SLCO1B3: variants seen among roughly 807,000 people sequenced by gnomAD.
The protein encoded by SLCO1B3 is liver-specific organic anion transporter 2.
SLCO1B3 carries 72 observed loss-of-function variants against 71.8 expected under a neutral mutation model. The observed-to-expected ratio is 1.00, with a 90% CI of 0.83 to 1.22. The LOEUF (loss-of-function observed/expected upper bound fraction) is 1.22, where lower values mean the gene tolerates loss of function less well. Ranked by LOEUF, SLCO1B3 falls within the 50% of genes most tolerant of loss-of-function variation. The pLI is 0.00. For missense variants in SLCO1B3, 911 were observed against 819.7 expected, an observed-to-expected ratio of 1.11 and a Z score of -1.36; for synonymous variants, 298 against 278.4, an observed-to-expected ratio of 1.07 and a Z score of -0.70.
At chr12:20,878,915 A>G (rs1440644818) in intron 10 of SLCO1B3, among the ~76,000 whole-genome samples, 2 of 152,132 alleles carry the variant, frequency 1.3e-5, no homozygotes, top group Admixed American at 6.6e-5. Flanking sequence ...AGCCTGGGCA[A>G]AATTGGAGTG....
In SLCO1B3 at chr12:20,916,384, A is replaced by G; in HGVS notation, c.*137A>G. ...TAAACTATAAAAAATGGGAGTACCCATGGTTAGGATATAGCTATGCCTTTA... is the reference window on the plus strand; with the variant it reads ...TAAACTATAAAAAATGGGAGTACCCGTGGTTAGGATATAGCTATGCCTTTA... On this transcript the variant is annotated 3_prime_UTR_variant, in exon 16 of 16. Transcript: ENST00000381545. The G allele has an allele frequency of 1.3e-6, 1 of 753,638 alleles. No homozygotes were observed. Among genetic ancestry groups the G allele is most frequent in the Non-Finnish European group, 2.1e-6 (1 of 466,606 alleles). 46.7% of individuals were successfully genotyped at this position (753,638 alleles called of 1,614,324 possible).
intron 3 of SLCO1B3, among the ~76,000 whole-genome samples, chr12:20,851,059 CTATT>C (rs927247037): frequency 8.6e-5 from 13 of 151,980 alleles, no homozygotes; most frequent in African/African-American, 3.1e-4. Context: ...TTTTATTTAT[CTATT>C]CATTTGTCAA....
chr12:20,899,391 C>A (rs1439858057), intron 14 of SLCO1B3, among the ~76,000 whole-genome samples: 1 of 151,948 alleles, frequency 6.6e-6, no homozygotes, highest in African/African-American at 2.4e-5. Flanking sequence ...CCACTGATGG[C>A]AGAAGGAAAA....
chr12:20,816,533 A>G (rs1263541933), intron 3 of SLCO1B3, among the ~76,000 whole-genome samples: 1 of 152,148 alleles, frequency 6.6e-6, no homozygotes, highest in Non-Finnish European at 1.5e-5. Context: ...ACTAGATTTC[A>G]TTCTTTCTAT....
rs79522608 is a variant in SLCO1B3 at position 20,903,333 on chromosome 12, G to A, written c.1865+1866G>A. 2.5e-3 allele frequency among the ~76,000 whole-genome samples: 388 copies of A among 152,244 alleles called. 15 individuals are homozygous for A. In the East Asian group the frequency reaches 0.063, roughly 25 times the overall value. Reference sequence around the variant, plus strand: ...AGTGGAAGCATTGAAGATGTCCTTCGGTAGGTAAATGGATAAGTAAACTAT... The same window carrying A: ...AGTGGAAGCATTGAAGATGTCCTTCAGTAGGTAAATGGATAAGTAAACTAT... On this transcript the variant is annotated intron_variant, in intron 15 of 15. Coordinates refer to ENST00000381545, the MANE Select transcript of SLCO1B3 (RefSeq NM_019844.4).
At chr12:20,871,745 T>C (rs2121282340) in intron 8 of SLCO1B3, among the ~76,000 whole-genome samples, 1 of 152,276 alleles carries the variant, frequency 6.6e-6, no homozygotes, top group Non-Finnish European at 1.5e-5. Context: ...CTTTCTGTGC[T>C]GAGCTGCCAG....
intron 14 of SLCO1B3, among the ~76,000 whole-genome samples, chr12:20,898,832 G>C (rs2120368342): frequency 6.6e-6 from 1 of 152,290 alleles, no homozygotes; most frequent in South Asian, 2.1e-4. Context: ...GGTATACGCA[G>C]AGTGGAGGAC....
chr12:20,841,973 C>T (rs1010570646), intron 3 of SLCO1B3, among the ~76,000 whole-genome samples: 8 of 151,690 alleles, frequency 5.3e-5, no homozygotes, highest in African/African-American at 1.5e-4. Context: ...CAGCCTCTGT[C>T]GCCCAGTTTC....
chr12:20,839,567 T>A (rs988030269), intron 3 of SLCO1B3, among the ~76,000 whole-genome samples: 3 of 152,156 alleles, frequency 2.0e-5, no homozygotes, highest in African/African-American at 7.2e-5. Context: ...TTATTTTCCC[T>A]CTGGTTTCTT....
At chr12:20,904,691 GC>G (rs1457000392) in intron 15 of SLCO1B3, among the ~76,000 whole-genome samples, 1 of 147,406 alleles carries the variant, frequency 6.8e-6, no homozygotes, top group Non-Finnish European at 1.5e-5. Flanking sequence ...TCTCTGTACT[GC>G]CCTAGTATAG....
chr12:20,832,735 C>T (rs562786829), intron 3 of SLCO1B3, among the ~76,000 whole-genome samples: 1 of 152,266 alleles, frequency 6.6e-6, no homozygotes, highest in East Asian at 1.9e-4. Context: ...CGTTCTTCTT[C>T]CAGATGTCTT....
chr12:20,880,266 C>A (rs1865663586), intron 11 of SLCO1B3, among the ~76,000 whole-genome samples: 1 of 148,552 alleles, frequency 6.7e-6, no homozygotes, highest in Non-Finnish European at 1.5e-5. Context: ...AGAAAATATG[C>A]AGAGATTTTT....
chr12:20,825,294 A>G (rs985497673), intron 3 of SLCO1B3, among the ~76,000 whole-genome samples: 5 of 152,144 alleles, frequency 3.3e-5, no homozygotes, highest in African/African-American at 1.2e-4. Context: ...ATTGGCCCTT[A>G]TAATTTCACA....
intron 3 of SLCO1B3, among the ~76,000 whole-genome samples, chr12:20,850,615 A>G (rs11494705): frequency 0.72 from 110,177 of 152,142 alleles, 42,483 homozygotes; most frequent in South Asian, 0.9. Flanking sequence ...CAAGTAATAA[A>G]CATAGTACTT....
intron 11 of SLCO1B3, among the ~76,000 whole-genome samples, chr12:20,880,124 CAAAT>C (rs72233882): frequency 0.09 from 8,749 of 96,760 alleles, 330 homozygotes; most frequent in East Asian, 0.23. Flanking sequence ...CTTTACAAAA[CAAAT>C]AAAATCTTTA....
intron 3 of SLCO1B3, among the ~76,000 whole-genome samples, chr12:20,819,367 G>C (rs1019346763): frequency 2.6e-5 from 4 of 152,192 alleles, no homozygotes; most frequent in Non-Finnish European, 5.9e-5. Flanking sequence ...AATGGGGTCT[G>C]TCTGTGAAGC....
At chr12:20,849,324 A>C (rs1864976450) in intron 3 of SLCO1B3, among the ~76,000 whole-genome samples, 2 of 152,048 alleles carry the variant, frequency 1.3e-5, no homozygotes, top group South Asian at 4.1e-4. Context: ...TGACCATCTT[A>C]CTAGATGCAT....
intron 3 of SLCO1B3, among the ~76,000 whole-genome samples, chr12:20,844,034 A>C (rs936963420): frequency 2.6e-5 from 4 of 151,844 alleles, no homozygotes; most frequent in Admixed American, 2.0e-4. Context: ...TCTCCTCTTC[A>C]ACTTATTATA....
chr12:20,885,532 CAGAAAAT>C (rs1030909379), intron 13 of SLCO1B3, among the ~76,000 whole-genome samples: 1 of 151,432 alleles, frequency 6.6e-6, no homozygotes, highest in African/African-American at 2.4e-5. Context: ...AAATCAGAGT[CAGAAAAT>C]AGAAAAAGTG....
Sources: gnomAD v4.1 joint callset for allele counts (sites outside exome capture counted in the v4.1 genomes callset) on GRCh38, gnomAD v4.1.1 for gene constraint, MANE v1.5 for transcripts, NCBI Gene and HGNC (gene_info 2026-07-23, HGNC 2026-07-21) for gene names.